DPYD: variants seen among roughly 807,000 people sequenced by gnomAD.
DPYD encodes the protein dihydropyrimidine dehydrogenase [NADP(+)].
DPYD carries 109 observed loss-of-function variants against 116.2 expected under a neutral mutation model. The observed-to-expected ratio is 0.94, with a 90% CI of 0.80 to 1.10. DPYD has a LOEUF of 1.10. DPYD is among the 50% of genes least tolerant of loss of function. DPYD has a pLI of 0.00. For synonymous variants in DPYD, 440 were observed against 432.0 expected (o/e 1.02, Z -0.23); for missense variants, 1,302 against 1,254.5 (o/e 1.04, Z -0.57).
In DPYD at chr1:97,785,681, CTTTTTT is replaced by C. The variant is rs35229030; in HGVS notation, c.233+42427_233+42432del. On this transcript the variant is annotated intron_variant, in intron 3 of 22. Coordinates refer to ENST00000370192, the MANE Select transcript of DPYD (RefSeq NM_000110.4). ...CTTTTTTTCTTTTGGGCCACTGACT[CTTTTTT>C]TTTTTTTTTTTTTTTTTTTTTTTTA... Among the ~76,000 whole-genome samples, 584 of 62,514 alleles carry C rather than the reference CTTTTTT, an allele frequency of 9.3e-3. 9 individuals carry two copies. The highest frequency in any genetic ancestry group is 0.039 in the African/African-American group (553 of 14,152). The allele number at this position is 62,514 out of a possible 152,430, so 41.0% of individuals were successfully genotyped here.
intron 2 of DPYD, among the ~76,000 whole-genome samples, chr1:97,848,372 C>T (rs1670411009): frequency 6.6e-6 from 1 of 152,230 alleles, no homozygotes; most frequent in African/African-American, 2.4e-5. Flanking sequence ...GCTGGGATTG[C>T]AGGCTGCACA....
At chr1:97,865,019 A>G (rs528644256) in intron 2 of DPYD, among the ~76,000 whole-genome samples, 1 of 151,878 alleles carries the variant, frequency 6.6e-6, no homozygotes, top group Admixed American at 6.6e-5. Flanking sequence ...AACCTAGGCT[A>G]TGTGTTTGTA....
At position 97,121,050 on chromosome 1, in the gene DPYD, T is replaced by C. The variant is rs574820925; in HGVS notation, c.2623-22418A>G. ...CTCTGGTTTTACTCTTTTCTCTCTG[T>C]ATTTCACAACTCTAGAATAAGCCAG... On this transcript the variant is annotated intron_variant, in intron 20 of 22. Coordinates refer to ENST00000370192, the MANE Select transcript of DPYD (RefSeq NM_000110.4). 3.9e-5 allele frequency among the ~76,000 whole-genome samples: 6 copies of C among 152,310 alleles called. No homozygotes were observed. In the South Asian group the frequency reaches 1.2e-3, roughly 32 times the overall value.
At chr1:97,747,708 C>T (rs917415929) in intron 3 of DPYD, among the ~76,000 whole-genome samples, 2 of 152,148 alleles carry the variant, frequency 1.3e-5, no homozygotes, top group Non-Finnish European at 2.9e-5. Flanking sequence ...ATATTAAGTG[C>T]TCAAATGTGC....
At chr1:97,901,307 C>A (rs933305851) in intron 1 of DPYD, among the ~76,000 whole-genome samples, 1 of 151,806 alleles carries the variant, frequency 6.6e-6, no homozygotes, top group Non-Finnish European at 1.5e-5. Flanking sequence ...ACGATTGCTG[C>A]ATATTCACTG....
At chr1:97,910,826 C>T (rs1162624096) in intron 1 of DPYD, among the ~76,000 whole-genome samples, 1 of 152,042 alleles carries the variant, frequency 6.6e-6, no homozygotes, top group Non-Finnish European at 1.5e-5. Context: ...AGATAACATT[C>T]ATTTTGTTGT....
At chr1:97,323,444 GTATATACATATCATATATACATA>G (rs1668474612) in intron 16 of DPYD, among the ~76,000 whole-genome samples, 1 of 97,812 alleles carries the variant, frequency 1.0e-5, no homozygotes, top group African/African-American at 3.1e-5. Flanking sequence ...ATATGTACAC[GTATATACATATCATATATACATA>G]TATGTGTATA....
chr1:97,889,019 T>C (rs185547398), intron 1 of DPYD, among the ~76,000 whole-genome samples: 151 of 152,082 alleles, frequency 9.9e-4, no homozygotes, highest in African/African-American at 3.6e-3. Context: ...TAGCCAGGCA[T>C]GGTCGTGGGT....
intron 8 of DPYD, among the ~76,000 whole-genome samples, chr1:97,640,383 A>G (rs1042391892): frequency 1.3e-5 from 2 of 152,018 alleles, no homozygotes; most frequent in Non-Finnish European, 2.9e-5. Context: ...ATCTCAGCTC[A>G]CTGCAAACTC....
chr1:97,176,367 G>C (rs1376671573), intron 20 of DPYD, among the ~76,000 whole-genome samples: 1 of 152,150 alleles, frequency 6.6e-6, no homozygotes, highest in Non-Finnish European at 1.5e-5. Flanking sequence ...GATGGAGAAG[G>C]TGTGGAGGTG....
intron 14 of DPYD, among the ~76,000 whole-genome samples, chr1:97,415,903 A>T (rs546553044): frequency 4.7e-4 from 71 of 152,196 alleles, no homozygotes; most frequent in Non-Finnish European, 8.4e-4. Context: ...CAAGAAGTTT[A>T]TACTCCTTTG....
At chr1:97,675,383 A>T (rs539541885) in intron 8 of DPYD, among the ~76,000 whole-genome samples, 1 of 152,296 alleles carries the variant, frequency 6.6e-6, no homozygotes, top group South Asian at 2.1e-4. Flanking sequence ...ACTAATTTTG[A>T]ATAAGACATA....
At chr1:97,697,365 T>C (rs1051931766) in intron 6 of DPYD, among the ~76,000 whole-genome samples, 2 of 152,082 alleles carry the variant, frequency 1.3e-5, no homozygotes, top group African/African-American at 2.4e-5. Context: ...CTTTAAGCAA[T>C]TGATTTCAAA....
At chr1:97,396,454 C>T (rs924445049) in intron 14 of DPYD, among the ~76,000 whole-genome samples, 4 of 152,030 alleles carry the variant, frequency 2.6e-5, no homozygotes, top group African/African-American at 9.6e-5. Context: ...CAGAGGCTAA[C>T]CTTATTTATA....
At chr1:97,814,903 CAA>C (rs71071673) in intron 3 of DPYD, among the ~76,000 whole-genome samples, 639 of 63,624 alleles carry the variant, frequency 0.01, 9 homozygotes, top group African/African-American at 0.028. Flanking sequence ...GACCCTGTCT[CAA>C]AAAAAAAAAA....
chr1:97,376,783 G>A (rs1485414259), intron 15 of DPYD, among the ~76,000 whole-genome samples: 1 of 151,822 alleles, frequency 6.6e-6, no homozygotes, highest in Non-Finnish European at 1.5e-5. Flanking sequence ...CCTAGTGATG[G>A]CAGTGACATA....
intron 4 of DPYD, among the ~76,000 whole-genome samples, chr1:97,732,309 T>C (rs960586818): frequency 1.3e-5 from 2 of 151,858 alleles, no homozygotes; most frequent in Non-Finnish European, 2.9e-5. Flanking sequence ...ACCTCGTCTT[T>C]ACTAAAATAC....
chr1:97,086,141 C>A (rs1649495293), intron 21 of DPYD, among the ~76,000 whole-genome samples: 1 of 152,108 alleles, frequency 6.6e-6, no homozygotes, highest in Admixed American at 6.5e-5. Context: ...GCAAGCTCTG[C>A]CTCCTGGGTT....
At chr1:97,552,342 G>T (rs1022024809) in intron 11 of DPYD, among the ~76,000 whole-genome samples, 2 of 151,944 alleles carry the variant, frequency 1.3e-5, no homozygotes, top group African/African-American at 4.8e-5. Flanking sequence ...CATATTTTAG[G>T]ATGCAAAAAA....
Sources: allele counts gnomAD v4.1 joint callset (sites outside exome capture counted in the v4.1 genomes callset), GRCh38; gene constraint gnomAD v4.1.1; transcripts MANE v1.5; gene names NCBI Gene and HGNC (gene_info 2026-07-23, HGNC 2026-07-21).